Variants in PLEKHD1 observed in about 807,000 individuals in gnomAD.
The protein encoded by PLEKHD1 is pleckstrin homology domain-containing family D member 1.
In PLEKHD1, 51 loss-of-function variants were observed where a neutral mutation model predicts 69.2. The ratio of observed to expected loss-of-function variants is 0.74; its 90% CI spans 0.59 to 0.93. The LOEUF (loss-of-function observed/expected upper bound fraction) is 0.93, where lower values mean the gene tolerates loss of function less well. Ranked by LOEUF, PLEKHD1 falls within the 40% of genes least tolerant of loss-of-function variation. The pLI, the probability that PLEKHD1 is intolerant of heterozygous loss-of-function variation, is 0.00. For missense variants in PLEKHD1, 584 were observed against 641.0 expected, an observed-to-expected ratio of 0.91 and a Z score of 0.96; for synonymous variants, 236 against 244.7, an observed-to-expected ratio of 0.96 and a Z score of 0.33.
In PLEKHD1 at chr14:69,525,969, C is replaced by T; in HGVS notation, c.770C>T (p.Thr257Ile). The part of the protein sequence containing the change: ...LEELSIEKKK[T>I]LEMLEENENH... Reference sequence around the variant, plus strand: ...GAACTCTCCATAGAGAAGAAGAAAACCCTGGAAATGCTGGAGGAGAACGAG... The same window carrying T: ...GAACTCTCCATAGAGAAGAAGAAAATCCTGGAAATGCTGGAGGAGAACGAG... The change falls in exon 9 of 13, where the codon ACC becomes ATC. Residue 257 changes from threonine (T) to isoleucine (I), a missense_variant. Thr to Ile is a moderately conservative substitution (Grantham distance 89). Transcript: ENST00000322564. 6.4e-7 allele frequency: 1 copy of T among 1,551,518 alleles called. No individual in the cohort carries two copies. Among genetic ancestry groups the T allele is most frequent in the Non-Finnish European group, 8.7e-7 (1 of 1,146,924 alleles).
intron 6 of PLEKHD1, among the ~76,000 whole-genome samples, chr14:69,518,820 C>G (rs146654629): frequency 6.6e-6 from 1 of 152,278 alleles, no homozygotes; most frequent in Non-Finnish European, 1.5e-5. Context: ...GCTTTTGGCT[C>G]AAGTGGAGCT....
Position 69,518,019 on chromosome 14 carries a change from T to C in PLEKHD1, c.556-4264T>C, listed in dbSNP as rs1331651095. Among the ~76,000 whole-genome samples the C allele has an allele frequency of 9.7e-5, 6 of 62,082 alleles. No homozygotes were observed. The East Asian group carries it at 3.9e-3, about 40-fold the overall frequency. The allele number at this position is 62,082 out of a possible 152,430, so 40.7% of individuals were successfully genotyped here. A position where few individuals can be genotyped will look rare whatever the true frequency, so the allele number is the denominator to read the frequency against. On this transcript the variant is annotated intron_variant, in intron 6 of 12. Coordinates refer to ENST00000322564, the MANE Select transcript of PLEKHD1 (RefSeq NM_001161498.2). ...TTTTATTTATTTATTTATTTATTTA[T>C]TTATTTATTTATTTGTTTGTTTGTT...
At chr14:69,491,641 T>C (rs911510756) in intron 1 of PLEKHD1, among the ~76,000 whole-genome samples, 12 of 152,280 alleles carry the variant, frequency 7.9e-5, no homozygotes, top group East Asian at 1.9e-4. Context: ...CTGCCCAACA[T>C]AGAAGATACC....
chr14:69,469,169 C>T, the PLEKHD1 span, among the ~76,000 whole-genome samples: 1 of 151,992 alleles, frequency 6.6e-6, no homozygotes. Flanking sequence ...CAAACACTCA[C>T]ACATGTACAC....
At chr14:69,500,831 G>T in intron 3 of PLEKHD1, 40 bp from the exon 4 acceptor site, 1 of 1,549,666 alleles carries the variant, frequency 6.5e-7, no homozygotes, top group Non-Finnish European at 8.7e-7. Flanking sequence ...CCTCAGCGTG[G>T]CTGCCTCTCA....
intron 6 of PLEKHD1, among the ~76,000 whole-genome samples, chr14:69,521,304 G>A (rs1883509564): frequency 6.6e-6 from 1 of 152,156 alleles, no homozygotes. Flanking sequence ...GTTTAGAAAT[G>A]GAGGTCATAG....
At chr14:69,495,340 C>G (rs1430471585) in intron 1 of PLEKHD1, among the ~76,000 whole-genome samples, 3 of 152,190 alleles carry the variant, frequency 2.0e-5, no homozygotes, top group African/African-American at 7.2e-5. Flanking sequence ...GCCCTCAACA[C>G]AGCAGGGTCG....
rs1365482465 is a variant in PLEKHD1, at chr14:69,531,207, G to A, written c.*2788G>A. ...TTTAATCCTGCAAACTACTGGGATA[G>A]TAATTAAATTTCAGTGTGAGTTTGG... is the stretch of plus-strand genomic sequence containing the variant. On this transcript the variant is annotated 3_prime_UTR_variant, in exon 13 of 13. Coordinates refer to ENST00000322564, the MANE Select transcript of PLEKHD1 (RefSeq NM_001161498.2). 1.3e-5 allele frequency: 2 copies of A among 152,260 alleles called. No individual in the cohort carries two copies. The highest frequency in any genetic ancestry group is 2.9e-5 in the Non-Finnish European group (2 of 68,026). The allele number at this position is 152,260 out of a possible 1,614,324, so 9.4% of individuals were successfully genotyped here. A position where few individuals can be genotyped will look rare whatever the true frequency, so the allele number is the denominator to read the frequency against.
At chr14:69,502,548 A>G in intron 5 of PLEKHD1, 1 of 461,780 alleles carries the variant, frequency 2.2e-6, no homozygotes, top group Non-Finnish European at 4.0e-6. Context: ...GGACTAGCCC[A>G]GGTGCAGCAG....
Position 69,530,466 on chromosome 14 carries a change from T to C in PLEKHD1, c.*2047T>C, listed in dbSNP as rs982412371. ...ATGAACTTTGAATTGAAGGGGAATA[T>C]TTATAAAACCAAGATTACTGTTTCC... On this transcript the variant is annotated 3_prime_UTR_variant, in exon 13 of 13. Coordinates refer to ENST00000322564, the MANE Select transcript of PLEKHD1 (RefSeq NM_001161498.2). 2 of 152,198 alleles carry C rather than the reference T, an allele frequency of 1.3e-5. No individual in the cohort carries two copies. The allele number at this position is 152,198 out of a possible 1,614,324, so 9.4% of individuals were successfully genotyped here.
the PLEKHD1 span, among the ~76,000 whole-genome samples, chr14:69,469,704 C>T: frequency 6.6e-6 from 1 of 152,232 alleles, no homozygotes; most frequent in South Asian, 2.1e-4. Context: ...AACCACTACT[C>T]CCAGACTTAA....
intron 1 of PLEKHD1, among the ~76,000 whole-genome samples, chr14:69,499,654 C>G (rs1229704541): frequency 2.0e-5 from 3 of 152,232 alleles, no homozygotes; most frequent in Non-Finnish European, 4.4e-5. Context: ...CAATGTCACA[C>G]TGGGGTGCTC....
At chr14:69,472,798 C>T in the PLEKHD1 span, among the ~76,000 whole-genome samples, 1,168 of 152,306 alleles carry the variant, frequency 7.7e-3, 11 homozygotes, top group South Asian at 0.029. Context: ...TCCCCAACCC[C>T]GGGCCACAGA....
intron 1 of PLEKHD1, among the ~76,000 whole-genome samples, chr14:69,492,732 C>A (rs77173121): frequency 0.041 from 6,202 of 152,280 alleles, 191 homozygotes; most frequent in African/African-American, 0.092. Flanking sequence ...GCACCTAGCA[C>A]AAAGGAGGAG....
intron 6 of PLEKHD1, among the ~76,000 whole-genome samples, chr14:69,510,484 A>G (rs1193269624): frequency 6.6e-6 from 1 of 152,090 alleles, no homozygotes; most frequent in East Asian, 1.9e-4. Context: ...TCAAATTTCC[A>G]CTGCACTCCA....
chr14:69,505,461 A>T (rs116236047), intron 6 of PLEKHD1, among the ~76,000 whole-genome samples: 3,102 of 152,264 alleles, frequency 0.02, 105 homozygotes, highest in African/African-American at 0.07. Context: ...TGATAAGATG[A>T]AGGTTCTTCT....
chr14:69,481,981 A>G (rs1315852678), upstream of PLEKHD1, among the ~76,000 whole-genome samples: 1 of 152,202 alleles, frequency 6.6e-6, no homozygotes, highest in Non-Finnish European at 1.5e-5. Flanking sequence ...ATGGAAGCAG[A>G]AACAGCTTCT....
intron 1 of PLEKHD1, among the ~76,000 whole-genome samples, chr14:69,493,934 C>T (rs918147478): frequency 6.6e-6 from 1 of 152,104 alleles, no homozygotes; most frequent in African/African-American, 2.4e-5. Flanking sequence ...GGGCTTCACA[C>T]GGGGGGCAGG....
chr14:69,520,925 T>C (rs1316752201), intron 6 of PLEKHD1, among the ~76,000 whole-genome samples: 1 of 152,126 alleles, frequency 6.6e-6, no homozygotes, highest in African/African-American at 2.4e-5. Context: ...CCCACTCACC[T>C]TTACCAGGTG....
Sources: gnomAD v4.1 joint callset for allele counts (sites outside exome capture counted in the v4.1 genomes callset) on GRCh38, gnomAD v4.1.1 for gene constraint, MANE v1.5 for transcripts, NCBI Gene and HGNC (gene_info 2026-07-23, HGNC 2026-07-21) for gene names.